The following CFI variants were observed in gnomAD, a reference collection of about 807,000 sequenced individuals.
CFI encodes the protein C3B/C4B inactivator.
In CFI, 66 loss-of-function variants were observed where a neutral mutation model predicts 78.8. The observed-to-expected ratio is 0.84, with a 90% CI of 0.69 to 1.03. The LOEUF is 1.03. Ranked by LOEUF, CFI falls within the 50% of genes least tolerant of loss-of-function variation. The pLI, the probability that CFI is intolerant of heterozygous loss-of-function variation, is 0.00. For missense variants in CFI, 706 were observed against 704.5 expected (o/e 1.00, Z -0.02); for synonymous variants, 250 against 232.6 (o/e 1.07, Z -0.68).
In CFI at chr4:109,746,221, C is replaced by A; in HGVS notation, c.1429+1G>T. On this transcript the variant is annotated splice_donor_variant, in intron 11 of 12. Transcript: ENST00000394634. LOFTEE classifies it high-confidence loss of function. ...TGATTAACAAACTGTAAAACATATA[C>A]CTTTTTCTCGTCCCCAGCCAGAAAC... The A allele has an allele frequency of 1.2e-6, 2 of 1,614,072 alleles. No individual in the cohort carries two copies. The highest frequency in any genetic ancestry group is 1.7e-6 in the Non-Finnish European group (2 of 1,180,008).
At chr4:109,764,971 G>A (rs560371859) in intron 2 of CFI, among the ~76,000 whole-genome samples, 3 of 152,298 alleles carry the variant, frequency 2.0e-5, no homozygotes, top group African/African-American at 4.8e-5. Flanking sequence ...GGGAAGTTAA[G>A]TTCCTGGCCC....
At chr4:109,789,542 T>C (rs906006878) in intron 1 of CFI, among the ~76,000 whole-genome samples, 1 of 151,992 alleles carries the variant, frequency 6.6e-6, no homozygotes, top group African/African-American at 2.4e-5. Context: ...AAAGAGAAAA[T>C]TGGCAATCTA....
At chr4:109,743,042 T>C (rs762015028) in intron 11 of CFI, among the ~76,000 whole-genome samples, 1 of 152,340 alleles carries the variant, frequency 6.6e-6, no homozygotes, top group South Asian at 2.1e-4. Context: ...AAGTTATCAA[T>C]GTTTGTGTGT....
chr4:109,738,112 CT>C (rs141891533), downstream of CFI, among the ~76,000 whole-genome samples: 17,506 of 130,032 alleles, frequency 0.13, 1,954 homozygotes, highest in African/African-American at 0.3. Context: ...GAGTACTTTT[CT>C]TTTTTTTTTT....
At chr4:109,797,350 G>A (rs971141587) in intron 1 of CFI, among the ~76,000 whole-genome samples, 3 of 152,178 alleles carry the variant, frequency 2.0e-5, no homozygotes, top group Admixed American at 6.5e-5. Context: ...TTAATAAGTG[G>A]TAATGGGAAA....
intron 8 of CFI, 47 bp downstream of exon 8, chr4:109,752,421 A>G (rs764426202): frequency 1.3e-6 from 2 of 1,570,810 alleles, no homozygotes; most frequent in Non-Finnish European, 1.8e-6. Context: ...CTGAAATTAC[A>G]GCCTAAACCA....
chr4:109,782,048 A>G (rs1464716071), intron 1 of CFI, among the ~76,000 whole-genome samples: 1 of 152,202 alleles, frequency 6.6e-6, no homozygotes, highest in Non-Finnish European at 1.5e-5. Context: ...CCCACAGCCA[A>G]CATAGTACTG....
chr4:109,763,032 A>C (rs1176090724), intron 3 of CFI, among the ~76,000 whole-genome samples: 2 of 152,286 alleles, frequency 1.3e-5, no homozygotes, highest in Non-Finnish European at 2.9e-5. Context: ...TCACTAATGA[A>C]CTACTAGCAG....
intron 1 of CFI, among the ~76,000 whole-genome samples, chr4:109,796,275 A>G (rs181589911): frequency 1.3e-5 from 2 of 152,318 alleles, no homozygotes; most frequent in African/African-American, 4.8e-5. Context: ...AACCAAGAAT[A>G]TTACACCCAG....
intron 1 of CFI, among the ~76,000 whole-genome samples, chr4:109,799,666 T>C (rs919070472): frequency 2.6e-5 from 4 of 152,248 alleles, no homozygotes; most frequent in African/African-American, 9.6e-5. Flanking sequence ...GATAATATTC[T>C]GCATAGTAAG....
intron 1 of CFI, among the ~76,000 whole-genome samples, chr4:109,770,609 A>G (rs574776811): frequency 6.6e-6 from 1 of 150,440 alleles, no homozygotes; most frequent in Admixed American, 6.6e-5. Context: ...TGCCATTTAG[A>G]CATGAAAATA....
chr4:109,743,317 G>A (rs1169030621), intron 11 of CFI, among the ~76,000 whole-genome samples: 2 of 152,120 alleles, frequency 1.3e-5, no homozygotes, highest in Non-Finnish European at 2.9e-5. Context: ...TCTAATTTGG[G>A]AAAAGCCTTT....
At chr4:109,784,616 CAG>C (rs1730514496) in intron 1 of CFI, among the ~76,000 whole-genome samples, 1 of 152,040 alleles carries the variant, frequency 6.6e-6, no homozygotes, top group Non-Finnish European at 1.5e-5. Flanking sequence ...CTTCTAGCAT[CAG>C]TAGAAGCTGT....
intron 8 of CFI, 41 bp from the exon 9 acceptor site, chr4:109,749,643 C>A (rs375332621): frequency 5.2e-6 from 7 of 1,343,464 alleles, no homozygotes; most frequent in East Asian, 2.3e-5. Flanking sequence ...TATCTTGAAC[C>A]CATTAGCGTT....
At chr4:109,741,418 T>C (rs1723778090) in intron 12 of CFI, 2 of 908,902 alleles carry the variant, frequency 2.2e-6, no homozygotes, top group Non-Finnish European at 2.6e-6. Context: ...AGGAAAATGA[T>C]GGGACTGCCT....
chr4:109,800,565 G>A (rs1302153288), intron 1 of CFI, among the ~76,000 whole-genome samples: 3 of 151,802 alleles, frequency 2.0e-5, no homozygotes, highest in Non-Finnish European at 4.4e-5. Flanking sequence ...CACTCCCACT[G>A]TGCTATGGGT....
intron 1 of CFI, among the ~76,000 whole-genome samples, chr4:109,774,072 GA>G (rs1251742418): frequency 2.0e-5 from 3 of 152,114 alleles, no homozygotes; most frequent in African/African-American, 4.8e-5. Flanking sequence ...AAAGTAGTAA[GA>G]AAAAAATCTT....
intron 3 of CFI, 74 bp downstream of exon 3, chr4:109,764,463 A>T: frequency 6.6e-7 from 1 of 1,505,578 alleles, no homozygotes; most frequent in Non-Finnish European, 9.2e-7. Flanking sequence ...TAATACACAG[A>T]AAGGTTAGGT....
At chr4:109,798,546 G>T (rs147750231) in intron 1 of CFI, among the ~76,000 whole-genome samples, 1 of 150,586 alleles carries the variant, frequency 6.6e-6, no homozygotes, top group East Asian at 2.0e-4. Context: ...TCTTTGTTTA[G>T]TGAGTCCAAA....
Sources: gnomAD v4.1 joint callset for allele counts (sites outside exome capture counted in the v4.1 genomes callset) on GRCh38, gnomAD v4.1.1 for gene constraint, MANE v1.5 for transcripts, NCBI Gene and HGNC (gene_info 2026-07-23, HGNC 2026-07-21) for gene names.